KCNN3: variants seen among roughly 807,000 people sequenced by gnomAD.
KCNN3 encodes potassium calcium-activated channel subfamily N member 3, also known as small conductance calcium-activated potassium channel protein 3.
In KCNN3, 16 loss-of-function variants were observed where a neutral mutation model predicts 62.9. The ratio of observed to expected loss-of-function variants is 0.25; its 90% CI spans 0.17 to 0.39. The LOEUF (loss-of-function observed/expected upper bound fraction) is 0.39. Ranked by LOEUF, KCNN3 falls within the 10% of genes least tolerant of loss-of-function variation. The pLI is 1.00. For missense variants in KCNN3, 599 were observed against 949.4 expected (o/e 0.63, Z 4.85); for synonymous variants, 370 against 389.2 (o/e 0.95, Z 0.58).
intron 2 of KCNN3, among the ~76,000 whole-genome samples, chr1:154,791,883 AT>A (rs1315745364): frequency 6.6e-6 from 1 of 152,232 alleles, no homozygotes; most frequent in African/African-American, 2.4e-5. Context: ...CCCTTTGGGC[AT>A]TGTGCCAGGC....
intron 3 of KCNN3, among the ~76,000 whole-genome samples, chr1:154,769,706 T>C (rs1166501512): frequency 6.6e-6 from 1 of 152,182 alleles, no homozygotes; most frequent in African/African-American, 2.4e-5. Flanking sequence ...AGACTTCAAA[T>C]AGCTTAAAGG....
intron 1 of KCNN3, among the ~76,000 whole-genome samples, chr1:154,843,631 G>T (rs940195992): frequency 6.6e-6 from 1 of 152,176 alleles, no homozygotes; most frequent in African/African-American, 2.4e-5. Context: ...AAAGCAAGAG[G>T]CCCCTTACAG....
intron 1 of KCNN3, chr1:154,859,846 A>C (rs1218586): frequency 0.97 from 1,547,783 of 1,600,466 alleles, 748,599 homozygotes; most frequent in East Asian, 1. Context: ...CTTTCCTGTT[A>C]ATTTGACACT....
At chr1:154,771,613 G>C (rs1648561862) in intron 3 of KCNN3, among the ~76,000 whole-genome samples, 1 of 152,170 alleles carries the variant, frequency 6.6e-6, no homozygotes, top group Admixed American at 6.5e-5. Flanking sequence ...ATTACTTCAG[G>C]ACTTCTCAGA....
rs143467954 is a variant in KCNN3, at chr1:154,825,255, C to T, written c.934-3071G>A. ...GGCTTGTAGAACAGAGGGAATCCAG[C>T]GGTCAACTGGTCAACCCTTCTGCCC... On this transcript the variant is annotated intron_variant, in intron 1 of 7. Coordinates refer to ENST00000271915, the MANE Select transcript of KCNN3 (RefSeq NM_002249.6). 1.5e-4 allele frequency among the ~76,000 whole-genome samples: 23 copies of T among 152,234 alleles called. No homozygotes were observed. The East Asian group carries it at 4.2e-3, about 28-fold the overall frequency.
intron 5 of KCNN3, among the ~76,000 whole-genome samples, chr1:154,715,852 G>A (rs1700224079): frequency 6.6e-6 from 1 of 152,166 alleles, no homozygotes; most frequent in Non-Finnish European, 1.5e-5. Flanking sequence ...CTATCAGCTG[G>A]AGATTTTAAA....
rs144173701 is a variant in KCNN3 at position 154,858,447 on chromosome 1, C to G, written c.933+10585G>C. Among the ~76,000 whole-genome samples the G allele has an allele frequency of 4.6e-4, 70 of 152,334 alleles. 1 individual carries two copies. Among genetic ancestry groups the G allele is most frequent in the African/African-American group, 1.6e-3 (67 of 41,570 alleles). On this transcript the variant is annotated intron_variant, in intron 1 of 7. Coordinates refer to ENST00000271915, the MANE Select transcript of KCNN3 (RefSeq NM_002249.6). Reference sequence around the variant, plus strand: ...TGCGCAAGGCCACACAGCCAAATAGCCAGGATTTGAATCCAGGTCTATGGG... The same window carrying G: ...TGCGCAAGGCCACACAGCCAAATAGGCAGGATTTGAATCCAGGTCTATGGG...
chr1:154,847,825 G>A (rs1254498005), intron 1 of KCNN3, among the ~76,000 whole-genome samples: 2 of 152,162 alleles, frequency 1.3e-5, no homozygotes, highest in African/African-American at 2.4e-5. Flanking sequence ...CCTGTGTGAT[G>A]CCCTTACAGC....
chr1:154,820,077 A>G (rs1352875437), intron 2 of KCNN3, among the ~76,000 whole-genome samples: 3 of 152,230 alleles, frequency 2.0e-5, no homozygotes, highest in African/African-American at 7.2e-5. Context: ...AGCATCATCT[A>G]CTGCCCATGA....
intron 1 of KCNN3, among the ~76,000 whole-genome samples, chr1:154,844,257 T>C (rs1458912743): frequency 2.0e-5 from 3 of 152,262 alleles, no homozygotes; most frequent in African/African-American, 7.2e-5. Context: ...GCTTTTAGAC[T>C]TTATAAAGCA....
At chr1:154,859,763 G>A (rs1458138071) in intron 1 of KCNN3, 2 of 1,614,006 alleles carry the variant, frequency 1.2e-6, no homozygotes, top group Middle Eastern at 1.6e-4. Flanking sequence ...ATGTCGCGTG[G>A]CAGGCCTGGT....
At chr1:154,751,598 C>T (rs931017330) in intron 3 of KCNN3, among the ~76,000 whole-genome samples, 1 of 152,128 alleles carries the variant, frequency 6.6e-6, no homozygotes, top group Non-Finnish European at 1.5e-5. Context: ...AGAGGGCGTG[C>T]CAGTGCCAAG....
At chr1:154,763,531 T>C (rs1389453341) in intron 3 of KCNN3, among the ~76,000 whole-genome samples, 1 of 152,198 alleles carries the variant, frequency 6.6e-6, no homozygotes, top group Non-Finnish European at 1.5e-5. Flanking sequence ...TGCACACCAT[T>C]GTGCCTGAAA....
At chr1:154,709,235 G>A (rs531685630) in intron 7 of KCNN3, among the ~76,000 whole-genome samples, 55 of 152,264 alleles carry the variant, frequency 3.6e-4, no homozygotes, top group African/African-American at 1.3e-3. Flanking sequence ...ATTAGCAAAT[G>A]CCATCTTGGC....
intron 5 of KCNN3, among the ~76,000 whole-genome samples, chr1:154,720,619 T>C (rs1367709928): frequency 6.6e-6 from 1 of 152,248 alleles, no homozygotes; most frequent in Non-Finnish European, 1.5e-5. Flanking sequence ...TGGCATATGC[T>C]TGTAATTAAA....
rs189239384 is a variant in KCNN3 at position 154,725,360 on chromosome 1, G to T, written c.1701+556C>A. Among the ~76,000 whole-genome samples, 411 of 152,146 alleles carry T rather than the reference G, an allele frequency of 2.7e-3. 5 individuals are homozygous for T. The highest frequency in any genetic ancestry group is 9.6e-3 in the African/African-American group (399 of 41,476). ...AAAGGGGCAGGTTATACCATTGTAG[G>T]CTATTAATTAAATTACCAGGAAAAT... is the stretch of plus-strand genomic sequence containing the variant. On this transcript the variant is annotated intron_variant, in intron 5 of 7. Transcript: ENST00000271915.
At chr1:154,759,023 G>A (rs1175266158) in intron 3 of KCNN3, among the ~76,000 whole-genome samples, 1 of 152,180 alleles carries the variant, frequency 6.6e-6, no homozygotes, top group Admixed American at 6.5e-5. Flanking sequence ...GGCCAGGGTG[G>A]TATGGAACTC....
intron 3 of KCNN3, among the ~76,000 whole-genome samples, chr1:154,753,871 G>T (rs189489320): frequency 2.0e-5 from 3 of 152,188 alleles, no homozygotes; most frequent in African/African-American, 7.2e-5. Context: ...AGGGCTCAGG[G>T]TTTATCAGGA....
At chr1:154,801,699 G>C (rs773853215) in intron 2 of KCNN3, among the ~76,000 whole-genome samples, 1 of 152,236 alleles carries the variant, frequency 6.6e-6, no homozygotes, top group Non-Finnish European at 1.5e-5. Flanking sequence ...TCCAGGGGGA[G>C]GAAGAGGCAA....
Sources: gnomAD v4.1 joint callset for allele counts (sites outside exome capture counted in the v4.1 genomes callset) on GRCh38, gnomAD v4.1.1 for gene constraint, MANE v1.5 for transcripts, NCBI Gene and HGNC (gene_info 2026-07-23, HGNC 2026-07-21) for gene names.